The following LUC7L2 variants were observed in gnomAD, a reference collection of about 807,000 sequenced individuals.
LUC7L2 encodes putative RNA-binding protein Luc7-like 2.
LUC7L2 carries 25 observed loss-of-function variants against 52.8 expected under a neutral mutation model. The ratio of observed to expected loss-of-function variants is 0.47; its 90% CI spans 0.34 to 0.66. The LOEUF is 0.66. Among genes scored for constraint, LUC7L2 ranks in the 30% least tolerant of loss-of-function variants. The pLI, the probability that LUC7L2 is intolerant of heterozygous loss-of-function variation, is 0.01. For missense variants in LUC7L2, 328 were observed against 497.8 expected (o/e 0.66, Z 3.25); for synonymous variants, 144 against 160.9 (o/e 0.89, Z 0.80).
intron 6 of LUC7L2, among the ~76,000 whole-genome samples, chr7:139,408,124 T>C (rs1015225278): frequency 1.3e-5 from 2 of 152,200 alleles, no homozygotes; most frequent in African/African-American, 4.8e-5. Context: ...TAACTCAAGG[T>C]CCATAGCATT....
intron 2 of LUC7L2, among the ~76,000 whole-genome samples, chr7:139,393,789 C>A (rs1794546740): frequency 6.6e-6 from 1 of 152,120 alleles, no homozygotes; most frequent in Non-Finnish European, 1.5e-5. Flanking sequence ...AGCACAGTGC[C>A]AGAGTAGATG....
At chr7:139,417,854 T>A in intron 9 of LUC7L2, 125 bp downstream of exon 9, 1 of 1,293,382 alleles carries the variant, frequency 7.7e-7, no homozygotes, top group Non-Finnish European at 1.0e-6. Flanking sequence ...TGGTAATATG[T>A]ACACATTTAT....
intron 1 of LUC7L2, among the ~76,000 whole-genome samples, chr7:139,351,198 C>T (rs1247217926): frequency 6.6e-6 from 1 of 152,148 alleles, no homozygotes; most frequent in Non-Finnish European, 1.5e-5. Flanking sequence ...GTATGTCCAA[C>T]GGCCTGGAGG....
chr7:139,399,449 A>ATTTTTTTTTTTTTTTTTTTTT (rs71169090), intron 3 of LUC7L2, among the ~76,000 whole-genome samples: 2 of 50,456 alleles, frequency 4.0e-5, no homozygotes, highest in Non-Finnish European at 7.7e-5. Flanking sequence ...TGTTTGGGGG[A>ATTTTTTTTTTTTTTTTTTTTT]TTTTTTTTTT....
intron 9 of LUC7L2, among the ~76,000 whole-genome samples, chr7:139,420,204 A>G (rs1432416967): frequency 6.6e-6 from 1 of 151,970 alleles, no homozygotes; most frequent in Admixed American, 6.6e-5. Flanking sequence ...TAGGCTAAGT[A>G]ATTTATTTTT....
At chr7:139,353,079 T>C (rs987095335) in intron 1 of LUC7L2, among the ~76,000 whole-genome samples, 1 of 151,988 alleles carries the variant, frequency 6.6e-6, no homozygotes, top group African/African-American at 2.4e-5. Context: ...GTACCTGTAA[T>C]CCCACCTACT....
chr7:139,373,067 C>A (rs1219277578), intron 1 of LUC7L2, among the ~76,000 whole-genome samples: 1 of 152,124 alleles, frequency 6.6e-6, no homozygotes, highest in Non-Finnish European at 1.5e-5. Context: ...GATTTGGTTC[C>A]TATTTGCAGT....
At chr7:139,364,549 TAATC>T (rs1048932567) in intron 1 of LUC7L2, among the ~76,000 whole-genome samples, 2 of 152,230 alleles carry the variant, frequency 1.3e-5, no homozygotes, top group African/African-American at 2.4e-5. Flanking sequence ...GTTAACATAT[TAATC>T]ATAATATTTT....
intron 8 of LUC7L2, among the ~76,000 whole-genome samples, chr7:139,414,990 G>A (rs1159526875): frequency 6.7e-6 from 1 of 148,210 alleles, no homozygotes; most frequent in Non-Finnish European, 1.5e-5. Flanking sequence ...AGGTTCAAGT[G>A]ATTCTTCTAC....
At chr7:139,386,204 T>C (rs532284605) in intron 2 of LUC7L2, among the ~76,000 whole-genome samples, 51 of 151,904 alleles carry the variant, frequency 3.4e-4, no homozygotes, top group African/African-American at 1.2e-3. Context: ...GGTTTCACCA[T>C]GTTGGCTAAG....
chr7:139,341,364 C>A (rs746030576), intron 1 of LUC7L2: 1 of 1,596,096 alleles, frequency 6.3e-7, no homozygotes, highest in African/African-American at 1.3e-5. Flanking sequence ...TTGGGCACCA[C>A]GCTCGGAGAA....
intron 1 of LUC7L2, among the ~76,000 whole-genome samples, chr7:139,354,518 C>T (rs528995042): frequency 6.6e-6 from 1 of 152,170 alleles, no homozygotes; most frequent in Non-Finnish European, 1.5e-5. Flanking sequence ...CGTGCCACCA[C>T]AACTGGCTAA....
At chr7:139,358,385 G>A (rs1185208588), upstream of LUC7L2, among the ~76,000 whole-genome samples, 1 of 152,178 alleles carries the variant, frequency 6.6e-6, no homozygotes, top group Non-Finnish European at 1.5e-5. Context: ...ACAGTTCCAA[G>A]GCGATGAGTA....
intron 7 of LUC7L2, among the ~76,000 whole-genome samples, chr7:139,411,097 A>T (rs1439353003): frequency 6.6e-6 from 1 of 152,190 alleles, no homozygotes; most frequent in Non-Finnish European, 1.5e-5. Flanking sequence ...TCATTTTAAG[A>T]TTCAATTGAG....
chr7:139,420,481 G>A (rs989082604), intron 9 of LUC7L2, among the ~76,000 whole-genome samples: 23 of 152,314 alleles, frequency 1.5e-4, no homozygotes, highest in African/African-American at 5.5e-4. Flanking sequence ...GGGATTACAG[G>A]CATGAGCCAC....
intron 2 of LUC7L2, among the ~76,000 whole-genome samples, chr7:139,383,034 TC>T (rs1801119330): frequency 6.6e-6 from 1 of 152,184 alleles, no homozygotes; most frequent in Non-Finnish European, 1.5e-5. Context: ...TAAGCAATTC[TC>T]CTGCCTCACC....
chr7:139,361,104 A>G (rs1240455178), intron 1 of LUC7L2, among the ~76,000 whole-genome samples: 1 of 152,254 alleles, frequency 6.6e-6, no homozygotes, highest in African/African-American at 2.4e-5. Context: ...CTGTATAGAG[A>G]GCCCTTAATT....
chr7:139,416,805 C>T (rs1277301169), intron 8 of LUC7L2: 1 of 152,230 alleles, frequency 6.6e-6, no homozygotes, highest in Non-Finnish European at 1.5e-5. Context: ...AGTAATTTGT[C>T]CTGACGTATT....
In LUC7L2 at chr7:139,402,132, T is replaced by C. The variant is rs1363262799; in HGVS notation, c.256-5T>C. ...ACAGTAATTGTCTTTAATTAAACTT[T>C]GTAGGCCATGGATCATCTGCAGTCA... On this transcript the variant is annotated splice_region_variant and splice_polypyrimidine_tract_variant and intron_variant, in intron 3 of 9. Transcript: ENST00000354926. 3 of 1,578,590 alleles carry C rather than the reference T, an allele frequency of 1.9e-6. No individual in the cohort carries two copies. The highest frequency in any genetic ancestry group is 2.6e-6 in the Non-Finnish European group (3 of 1,169,636).
Sources: gnomAD v4.1 joint callset for allele counts (sites outside exome capture counted in the v4.1 genomes callset) on GRCh38, gnomAD v4.1.1 for gene constraint, MANE v1.5 for transcripts, NCBI Gene and HGNC (gene_info 2026-07-23, HGNC 2026-07-21) for gene names.